The following TMEM163 variants were observed in gnomAD, a reference collection of about 807,000 sequenced individuals.
The protein encoded by TMEM163 is transmembrane protein 163.
TMEM163 carries 17 observed loss-of-function variants against 29.3 expected under a neutral mutation model. That is an observed-to-expected ratio of 0.58 (90% CI 0.40 to 0.87). TMEM163 has a LOEUF of 0.87. Ranked by LOEUF, TMEM163 falls within the 40% of genes least tolerant of loss-of-function variation. The pLI, the probability that TMEM163 is intolerant of heterozygous loss-of-function variation, is 0.00. For missense variants in TMEM163, 303 were observed against 381.5 expected, an observed-to-expected ratio of 0.79 and a Z score of 1.71; for synonymous variants, 157 against 160.6, an observed-to-expected ratio of 0.98 and a Z score of 0.17.
chr2:134,516,685 G>GCATATATTCATATATAGT, intron 4 of TMEM163, among the ~76,000 whole-genome samples: 1 of 142,246 alleles, frequency 7.0e-6, no homozygotes, highest in South Asian at 2.3e-4. Flanking sequence ...ATACATATAT[G>GCATATATTCATATATAGT]CATATATATG....
Position 134,460,212 on chromosome 2 carries a change from C to A in TMEM163, c.668-2039G>T, listed in dbSNP as rs899253258. ...CAGCCAGACTCTCCCGCAGGAAAGC[C>A]CCCGTCACGGGCTCAAATCCCACCA... is the stretch of plus-strand genomic sequence containing the variant. On this transcript the variant is annotated intron_variant, in intron 6 of 7. Transcript: ENST00000281924. The surrounding 1 kb of genome is among the most constrained non-coding windows in gnomAD (Gnocchi z 4.3). Among the ~76,000 whole-genome samples the A allele has an allele frequency of 3.3e-5, 5 of 151,972 alleles. No homozygotes were observed. Among genetic ancestry groups the A allele is most frequent in the Admixed American group, 3.3e-4 (5 of 15,264 alleles).
chr2:134,685,401 T>C (rs1276682066), intron 2 of TMEM163, among the ~76,000 whole-genome samples: 1 of 152,244 alleles, frequency 6.6e-6, no homozygotes, highest in Non-Finnish European at 1.5e-5. Context: ...TAATTGGATC[T>C]GTAACTTGAA....
chr2:134,648,717 T>G (rs144297775), intron 2 of TMEM163, among the ~76,000 whole-genome samples: 7 of 152,346 alleles, frequency 4.6e-5, no homozygotes, highest in African/African-American at 1.7e-4. Flanking sequence ...TCAATCTGTG[T>G]AAGTGTTGTT....
At chr2:134,591,026 C>T (rs1292097276) in intron 2 of TMEM163, among the ~76,000 whole-genome samples, 1 of 152,094 alleles carries the variant, frequency 6.6e-6, no homozygotes, top group Non-Finnish European at 1.5e-5. Context: ...GGGAACAAAG[C>T]AATATGGAGT....
chr2:134,505,758 C>T (rs555422988), intron 4 of TMEM163, among the ~76,000 whole-genome samples: 88 of 152,298 alleles, frequency 5.8e-4, no homozygotes, highest in Non-Finnish European at 9.0e-4. Flanking sequence ...GCCTCCATCA[C>T]GCACAAAAGG....
intron 2 of TMEM163, among the ~76,000 whole-genome samples, chr2:134,636,341 G>A (rs908777400): frequency 2.0e-5 from 3 of 152,244 alleles, no homozygotes; most frequent in Non-Finnish European, 4.4e-5. Flanking sequence ...GCAAGGTTTT[G>A]TTAATTTATT....
intron 7 of TMEM163, 27 bp downstream of exon 7, chr2:134,458,005 A>G: frequency 6.2e-7 from 1 of 1,613,740 alleles, no homozygotes; most frequent in African/African-American, 1.3e-5. Context: ...CTGCCAGGAA[A>G]GCAAACAGGA....
At chr2:134,648,015 C>A (rs970746427) in intron 2 of TMEM163, among the ~76,000 whole-genome samples, 1 of 152,196 alleles carries the variant, frequency 6.6e-6, no homozygotes, top group Non-Finnish European at 1.5e-5. Context: ...GGAGGGTCAG[C>A]GTGACAGCCT....
At chr2:134,693,321 AC>A (rs1410170062) in intron 2 of TMEM163, among the ~76,000 whole-genome samples, 1 of 152,002 alleles carries the variant, frequency 6.6e-6, no homozygotes, top group Non-Finnish European at 1.5e-5. Context: ...AAAAACTGAA[AC>A]CTTTCCAGAC....
In TMEM163 at chr2:134,594,187, T is replaced by C. The variant is rs545971278; in HGVS notation, c.323-42096A>G. Among the ~76,000 whole-genome samples the C allele has an allele frequency of 5.3e-5, 8 of 150,014 alleles. No homozygotes were observed. The South Asian group carries it at 1.7e-3, about 32-fold the overall frequency. On this transcript the variant is annotated intron_variant, in intron 2 of 7. Transcript: ENST00000281924. ...ACACTTGTAATCTGCATCATTCTGGTTTATAAAACAGAAAGGAGGATGGGC... is the reference window on the plus strand; with the variant it reads ...ACACTTGTAATCTGCATCATTCTGGCTTATAAAACAGAAAGGAGGATGGGC...
intron 2 of TMEM163, among the ~76,000 whole-genome samples, chr2:134,556,937 A>G (rs1461679614): frequency 6.6e-6 from 1 of 152,250 alleles, no homozygotes. Context: ...TGGGTGCCAC[A>G]GGAAAGGATG....
At chr2:134,490,348 C>T (rs1373715936) in intron 5 of TMEM163, among the ~76,000 whole-genome samples, 2 of 152,188 alleles carry the variant, frequency 1.3e-5, no homozygotes, top group Non-Finnish European at 2.9e-5. Flanking sequence ...ACAACCCTCT[C>T]TGAATACAGC....
intron 2 of TMEM163, among the ~76,000 whole-genome samples, chr2:134,577,888 T>A (rs1324744874): frequency 2.6e-5 from 4 of 152,178 alleles, no homozygotes; most frequent in Non-Finnish European, 5.9e-5. Context: ...TCACGTTGTA[T>A]TAGGTATTGT....
At chr2:134,644,667 T>G (rs571956745) in intron 2 of TMEM163, among the ~76,000 whole-genome samples, 75 of 152,200 alleles carry the variant, frequency 4.9e-4, no homozygotes, top group African/African-American at 1.7e-3. Context: ...ATCAAAATTT[T>G]AGAAAAAACA....
At position 134,597,382 on chromosome 2, in the gene TMEM163, T is replaced by C. The variant is rs189897255; in HGVS notation, c.323-45291A>G. On this transcript the variant is annotated intron_variant, in intron 2 of 7. Coordinates refer to ENST00000281924, the MANE Select transcript of TMEM163 (RefSeq NM_030923.5). ...ATCTATTGAGATAATCATGTGGTTT[T>C]TGTCTTTGGTTCTGTTTATATGTTG... Among the ~76,000 whole-genome samples, 78 of 152,362 alleles carry C rather than the reference T, an allele frequency of 5.1e-4. No homozygotes were observed. In the East Asian group the frequency reaches 0.014, roughly 27 times the overall value.
intron 2 of TMEM163, among the ~76,000 whole-genome samples, chr2:134,578,887 A>T (rs532029300): frequency 2.4e-4 from 36 of 152,302 alleles, no homozygotes; most frequent in African/African-American, 8.4e-4. Context: ...TTCACCAACA[A>T]TCTCACTAGA....
At position 134,628,997 on chromosome 2, in the gene TMEM163, T is replaced by C. The variant is rs539641909; in HGVS notation, c.323-76906A>G. 4.6e-5 allele frequency among the ~76,000 whole-genome samples: 7 copies of C among 152,364 alleles called. No individual in the cohort carries two copies. The East Asian group carries it at 1.4e-3, about 29-fold the overall frequency. On this transcript the variant is annotated intron_variant, in intron 2 of 7. Coordinates refer to ENST00000281924, the MANE Select transcript of TMEM163 (RefSeq NM_030923.5). ...CTCATCATAGATGCCTACGATATAC[T>C]GTTAGATGATCAGCTAGTTGCAAAA... is the stretch of plus-strand genomic sequence containing the variant.
At chr2:134,470,697 AC>A (rs1558914026) in intron 5 of TMEM163, among the ~76,000 whole-genome samples, 2 of 152,318 alleles carry the variant, frequency 1.3e-5, no homozygotes, top group South Asian at 4.1e-4. Flanking sequence ...CCAGGCTGGC[AC>A]AGACCTGCCA....
rs148238525 is a variant in TMEM163, at chr2:134,684,198, T to C, written c.322+29002A>G. On this transcript the variant is annotated intron_variant, in intron 2 of 7. Transcript: ENST00000281924. ...AGCTCTTGGTCTTTGCCTGATGATA[T>C]ATACCACTCCCCTGATTCTCTTAAC... Among the ~76,000 whole-genome samples the C allele has an allele frequency of 9.2e-5, 14 of 152,294 alleles. No homozygotes were observed. In the East Asian group the frequency reaches 2.3e-3, roughly 25 times the overall value.
Sources: gnomAD v4.1 joint callset for allele counts (sites outside exome capture counted in the v4.1 genomes callset) on GRCh38, gnomAD v4.1.1 for gene constraint, Gnocchi (gnomAD v3.1) non-coding constraint, MANE v1.5 for transcripts, NCBI Gene and HGNC (gene_info 2026-07-23, HGNC 2026-07-21) for gene names.